MNDA: variants seen among roughly 807,000 people sequenced by gnomAD.
MNDA encodes myeloid cell nuclear differentiation antigen, also known as epididymis secretory sperm binding protein.
In MNDA, 43 loss-of-function variants were observed where a neutral mutation model predicts 37.8. The ratio of observed to expected loss-of-function variants is 1.14; its 90% CI spans 0.89 to 1.47. The LOEUF (loss-of-function observed/expected upper bound fraction) is 1.47, where lower values mean the gene tolerates loss of function less well. MNDA is among the 40% of genes most tolerant of loss of function. MNDA has a pLI of 0.00. For synonymous variants in MNDA, 181 were observed against 169.0 expected, an observed-to-expected ratio of 1.07 and a Z score of -0.55; for missense variants, 536 against 476.0, an observed-to-expected ratio of 1.13 and a Z score of -1.17.
intron 1 of MNDA, among the ~76,000 whole-genome samples, chr1:158,832,549 G>C (rs1477264968): frequency 6.6e-6 from 1 of 151,274 alleles, no homozygotes; most frequent in Non-Finnish European, 1.5e-5. Flanking sequence ...TGTGTTTAGA[G>C]AGAAGAAAAA....
At chr1:158,838,163 C>T (rs1169354218) in intron 1 of MNDA, among the ~76,000 whole-genome samples, 1 of 151,860 alleles carries the variant, frequency 6.6e-6, no homozygotes, top group Non-Finnish European at 1.5e-5. Flanking sequence ...TATGTATATA[C>T]TTACCTTTCA....
At chr1:158,841,724 ATGAC>A (rs1659031727) in intron 1 of MNDA, among the ~76,000 whole-genome samples, 1 of 666 alleles carries the variant, frequency 1.5e-3, no homozygotes, top group African/African-American at 5.6e-3. Context: ...GTCATAGTGG[ATGAC>A]CAGGAAGAAT....
intron 1 of MNDA, among the ~76,000 whole-genome samples, chr1:158,837,380 G>A (rs72702929): frequency 0.011 from 1,664 of 151,696 alleles, 18 homozygotes; most frequent in Middle Eastern, 0.02. Context: ...TATATTAGGA[G>A]CCCTGATGTT....
At chr1:158,846,932 G>A (rs1311052427) in intron 5 of MNDA, among the ~76,000 whole-genome samples, 1 of 152,228 alleles carries the variant, frequency 6.6e-6, no homozygotes, top group Non-Finnish European at 1.5e-5. Flanking sequence ...AATGGAGGGA[G>A]TTAGGTCAAT....
Position 158,845,623 on chromosome 1 carries a change from A to G in MNDA, c.607A>G (p.Arg203Gly), listed in dbSNP as rs761052862. The G allele has an allele frequency of 2.5e-6, 4 of 1,613,414 alleles. No homozygotes were observed. The Admixed American group carries it at 6.7e-5, about 27-fold the overall frequency. The change falls in exon 5 of 7, where the codon AGA (arginine) becomes GGA (glycine). Residue 203 changes from arginine (R) to glycine (G), a missense_variant. Transcript: ENST00000368141. ...ETQAQRQVDA[R>G]RNVPQNDPVT... The stretch of plus-strand genomic sequence containing the variant: ...CCAGGCCCAACGGCAGGTGGATGCA[A>G]GAAGAAATGTTCCCCAAAACGACCC...
At chr1:158,836,396 C>T (rs1033577212) in intron 1 of MNDA, among the ~76,000 whole-genome samples, 2 of 151,932 alleles carry the variant, frequency 1.3e-5, no homozygotes, top group Non-Finnish European at 2.9e-5. Flanking sequence ...CTGATTCAGT[C>T]TCCTGACTAG....
intron 2 of MNDA, chr1:158,842,652 C>G (rs1659053925): frequency 2.8e-6 from 1 of 355,998 alleles, no homozygotes; most frequent in Admixed American, 4.4e-5. Flanking sequence ...AAACCAAAGA[C>G]AGGGATTTAT....
Position 158,844,013 on chromosome 1 carries a change from A to C in MNDA, c.461A>C (p.Glu154Ala), listed in dbSNP as rs774281008. 3 of 1,613,876 alleles carry C rather than the reference A, an allele frequency of 1.9e-6. No individual in the cohort carries two copies. The highest frequency in any genetic ancestry group is 1.7e-6 in the Non-Finnish European group (2 of 1,179,908). Residue 154 changes from glutamate to alanine, a missense_variant, in exon 4 of 7, where the codon GAG becomes GCG. Glu to Ala is a moderately radical substitution (Grantham distance 107, BLOSUM62 -1). Coordinates refer to ENST00000368141, the MANE Select transcript of MNDA (RefSeq NM_002432.3). Reference protein sequence around the residue: ...TEAKRNKVSQEQSKPPGPSGA... With the variant: ...TEAKRNKVSQAQSKPPGPSGA... Reference sequence around the variant, plus strand: ...GCCAAAAGGAATAAGGTGTCCCAAGAGCAGAGTAAGCCCCCAGGTCCCTCA... The same window carrying C: ...GCCAAAAGGAATAAGGTGTCCCAAGCGCAGAGTAAGCCCCCAGGTCCCTCA...
intron 4 of MNDA, among the ~76,000 whole-genome samples, chr1:158,845,316 C>T (rs1346899168): frequency 1.3e-5 from 2 of 152,214 alleles, no homozygotes; most frequent in Admixed American, 6.5e-5. Context: ...GGTCTCACTG[C>T]AAGCTCCGCC....
intron 1 of MNDA, among the ~76,000 whole-genome samples, chr1:158,840,505 C>A (rs1228570810): frequency 6.6e-6 from 1 of 152,106 alleles, no homozygotes; most frequent in Non-Finnish European, 1.5e-5. Context: ...TGGGACATAG[C>A]CAAACCATAT....
At chr1:158,841,973 A>C (rs1035191846) in intron 1 of MNDA, among the ~76,000 whole-genome samples, 161 bp from the exon 2 acceptor site, 1 of 152,240 alleles carries the variant, frequency 6.6e-6, no homozygotes, top group African/African-American at 2.4e-5. Context: ...GCAAGTCTTG[A>C]TCCATTGTTC....
At chr1:158,842,566 T>C (rs540069623) in intron 2 of MNDA, 148 bp downstream of exon 2, 5 of 730,082 alleles carry the variant, frequency 6.8e-6, no homozygotes, top group East Asian at 5.2e-5. Flanking sequence ...GACTGACCAG[T>C]TGGCAATTTA....
In MNDA at chr1:158,849,449, T is replaced by A. The variant is rs892274077; in HGVS notation, c.*212T>A. 8.3e-6 allele frequency: 4 copies of A among 480,442 alleles called. No individual in the cohort carries two copies. Among genetic ancestry groups the A allele is most frequent in the Non-Finnish European group, 1.5e-5 (4 of 268,272 alleles). The allele number at this position is 480,442 out of a possible 1,614,324, so 29.8% of individuals were successfully genotyped here. A position where few individuals can be genotyped will look rare whatever the true frequency, so the allele number is the denominator to read the frequency against. On this transcript the variant is annotated 3_prime_UTR_variant, in exon 7 of 7. Coordinates refer to ENST00000368141, the MANE Select transcript of MNDA (RefSeq NM_002432.3). ...CTCTTCCTTTTTTTTAGATATTACA[T>A]TTTGCTTTTATGACATTCACGAGGC...
intron 1 of MNDA, among the ~76,000 whole-genome samples, chr1:158,832,137 C>G (rs1418182454): frequency 2.0e-5 from 3 of 152,018 alleles, no homozygotes; most frequent in Non-Finnish European, 2.9e-5. Context: ...ATGGTCTATG[C>G]TTTACTCAGT....
intron 6 of MNDA, among the ~76,000 whole-genome samples, chr1:158,848,692 GTCTA>G (rs1328162151): frequency 3.3e-5 from 5 of 152,240 alleles, no homozygotes; most frequent in East Asian, 1.9e-4. Context: ...ATATTCCGGT[GTCTA>G]TCTATGGAGT....
chr1:158,841,581 T>C (rs1226722411), intron 1 of MNDA, among the ~76,000 whole-genome samples: 1 of 152,130 alleles, frequency 6.6e-6, no homozygotes, highest in East Asian at 1.9e-4. Flanking sequence ...GGAGAAAAAG[T>C]GCTAACGAGA....
chr1:158,833,650 T>C (rs1318928392), intron 1 of MNDA, among the ~76,000 whole-genome samples: 1 of 152,240 alleles, frequency 6.6e-6, no homozygotes, highest in Non-Finnish European at 1.5e-5. Flanking sequence ...TATTGTATCA[T>C]GTGTCAGAAT....
intron 5 of MNDA, among the ~76,000 whole-genome samples, chr1:158,847,501 G>A (rs1388814093): frequency 6.6e-6 from 1 of 151,716 alleles, no homozygotes; most frequent in Non-Finnish European, 1.5e-5. Flanking sequence ...GAAAAAGAGG[G>A]AAATATTTAT....
At chr1:158,837,459 C>A (rs1378281750) in intron 1 of MNDA, among the ~76,000 whole-genome samples, 1 of 151,598 alleles carries the variant, frequency 6.6e-6, no homozygotes, top group Admixed American at 6.6e-5. Flanking sequence ...ATGTAATATT[C>A]TTTGTCTCTT....
Sources: gnomAD v4.1 joint callset for allele counts (sites outside exome capture counted in the v4.1 genomes callset) on GRCh38, gnomAD v4.1.1 for gene constraint, MANE v1.5 for transcripts, NCBI Gene and HGNC (gene_info 2026-07-23, HGNC 2026-07-21) for gene names.